The following FREM2 variants were observed in gnomAD, a reference collection of about 807,000 sequenced individuals.
The protein encoded by FREM2 is FRAS1-related extracellular matrix protein 2.
A neutral mutation model predicts 219.9 loss-of-function variants in FREM2; 119 were observed. That is an observed-to-expected ratio of 0.54 (90% confidence interval 0.47 to 0.63). The LOEUF (loss-of-function observed/expected upper bound fraction) is 0.63, where lower values mean the gene tolerates loss of function less well. Ranked by LOEUF, FREM2 falls within the 30% of genes least tolerant of loss-of-function variation. The pLI is 0.00. For synonymous variants in FREM2, 1,562 were observed against 1,522.8 expected (o/e 1.03, Z -0.60); for missense variants, 4,030 against 3,993.6 (o/e 1.01, Z -0.25).
intron 2 of FREM2, among the ~76,000 whole-genome samples, chr13:38,705,413 T>C (rs1870499828): frequency 1.3e-5 from 2 of 152,178 alleles, no homozygotes; most frequent in Non-Finnish European, 2.9e-5. Context: ...AGAAACATAT[T>C]AATTATGAGA....
At chr13:38,861,633 T>C in intron 15 of FREM2, 71 bp downstream of exon 15, 6 of 1,533,626 alleles carry the variant, frequency 3.9e-6, no homozygotes, top group Non-Finnish European at 5.4e-6. Context: ...TTTTCCTTCA[T>C]CTTCTAAATA....
chr13:38,778,910 T>TA (rs1345272890), intron 4 of FREM2, among the ~76,000 whole-genome samples: 1 of 152,196 alleles, frequency 6.6e-6, no homozygotes, highest in African/African-American at 2.4e-5. Flanking sequence ...CACATTTCCA[T>TA]AAGTTAATGA....
In FREM2 at chr13:38,851,092, C is replaced by G. The variant is rs1296766554; in HGVS notation, c.6726C>G (p.Ile2242Met). 1.2e-6 allele frequency: 2 copies of G among 1,613,620 alleles called. No individual in the cohort carries two copies. Among genetic ancestry groups the G allele is most frequent in the Admixed American group, 1.7e-5 (1 of 59,990 alleles). ...AACAAAATGAAACTCTCATAAGGAT[C>G]CGAGATGATGCTGATAGTAAGAAAT... ...VGEQNETLIR[I>M]RDDADKTVIK... The change falls in exon 10 of 24, where the codon ATC becomes ATG. Residue 2242 changes from isoleucine (I) to methionine (M), a missense_variant. By Grantham distance (10) the Ile-to-Met change is conservative (BLOSUM62 1). This residue lies in a region of FREM2 where 3,102 missense variants were observed against 2,950.7 expected (regional missense o/e 1.05). Coordinates refer to ENST00000280481, the MANE Select transcript of FREM2 (RefSeq NM_207361.6).
rs751290656 is a variant in FREM2, at chr13:38,697,782, A to G, written c.5258A>G (p.Asp1753Gly). 6 of 1,588,422 alleles carry G rather than the reference A, an allele frequency of 3.8e-6. No homozygotes were observed. The highest frequency in any genetic ancestry group is 2.2e-5 in the South Asian group (2 of 90,576). ...GATATGTTCTATTTTGCAGTTGAAG[A>G]TGGTGGTAAGTATTCCCCTCTCCTG... ...TSDMFYFAVE[D>G]GGGNKLTYQN... The change falls in exon 2 of 24, where the codon GAT (aspartate) becomes GGT (glycine). Residue 1753 changes from aspartate (D) to glycine (G), a missense_variant. Physicochemically the swap from Asp to Gly is moderately conservative, Grantham distance 94. Coordinates refer to ENST00000280481, the MANE Select transcript of FREM2 (RefSeq NM_207361.6).
chr13:38,850,515 G>C (rs1225326676), intron 9 of FREM2, among the ~76,000 whole-genome samples: 1 of 152,152 alleles, frequency 6.6e-6, no homozygotes, highest in Non-Finnish European at 1.5e-5. Context: ...ACAATGCTAG[G>C]AATTAAACTT....
intron 14 of FREM2, 138 bp downstream of exon 14, chr13:38,859,728 T>C: frequency 1.1e-6 from 1 of 904,606 alleles, no homozygotes; most frequent in Non-Finnish European, 1.7e-6. Flanking sequence ...AAAATCTATT[T>C]TTACAAAATT....
chr13:38,757,601 CTCTTTTTTTTTT>C (rs990980269), intron 2 of FREM2, among the ~76,000 whole-genome samples: 5 of 150,658 alleles, frequency 3.3e-5, no homozygotes, highest in Non-Finnish European at 7.4e-5. Context: ...CTTTTTTTTT[CTCTTTTTTTTTT>C]ACATGATGTC....
rs530885644 is a variant in FREM2 at position 38,740,077 on chromosome 13, T to C, written c.5264-24227T>C. On this transcript the variant is annotated intron_variant, in intron 2 of 23. Transcript: ENST00000280481. ...ACCATTCAAAGCCAAAAATTTCATA[T>C]TTTACAAGAACTTTTCATGTGTTTT... Among the ~76,000 whole-genome samples, 5 of 40,202 alleles carry C rather than the reference T, an allele frequency of 1.2e-4. 1 individual carries two copies. The South Asian group carries it at 4.7e-3, about 38-fold the overall frequency. The allele number at this position is 40,202 out of a possible 152,430, so 26.4% of individuals were successfully genotyped here. A position where few individuals can be genotyped will look rare whatever the true frequency, so the allele number is the denominator to read the frequency against.
At chr13:38,834,239 A>G (rs1876625231) in intron 6 of FREM2, among the ~76,000 whole-genome samples, 1 of 150,936 alleles carries the variant, frequency 6.6e-6, no homozygotes, top group Admixed American at 6.6e-5. Context: ...TCATTGTTCA[A>G]CTCCTACTTA....
In FREM2 at chr13:38,689,583, A is replaced by C; in HGVS notation, c.2239A>C (p.Thr747Pro). Reference sequence around the variant, plus strand: ...ACGTTACACAGTGACTCAGCCCCCCACAGACACAGACGAAAATCACCTGCC... The same window carrying C: ...ACGTTACACAGTGACTCAGCCCCCCCCAGACACAGACGAAAATCACCTGCC... ...ELRYTVTQPP[T>P]DTDENHLPAP... The change falls in exon 1 of 24, where the codon ACA becomes CCA. Residue 747 changes from threonine to proline, a missense_variant. Coordinates refer to ENST00000280481, the MANE Select transcript of FREM2 (RefSeq NM_207361.6). The C allele has an allele frequency of 6.2e-7, 1 of 1,612,830 alleles. No homozygotes were observed. Among genetic ancestry groups the C allele is most frequent in the Non-Finnish European group, 8.5e-7 (1 of 1,179,256 alleles).
At position 38,859,503 on chromosome 13, in the gene FREM2, G is replaced by A. The variant is rs780210808; in HGVS notation, c.7432G>A (p.Val2478Ile). 2 of 1,614,070 alleles carry A rather than the reference G, an allele frequency of 1.2e-6. No homozygotes were observed. Among genetic ancestry groups the A allele is most frequent in the Admixed American group, 3.3e-5 (2 of 60,010 alleles). ...DSIYFQPGSR[V>I]QCAARAVNTN... Reference sequence around the variant, plus strand: ...CATATACTTTCAGCCTGGCTCCCGGGTACAGTGCGCAGCTCGTGCTGTGAA... The same window carrying A: ...CATATACTTTCAGCCTGGCTCCCGGATACAGTGCGCAGCTCGTGCTGTGAA... Residue 2478 changes from valine to isoleucine, a missense_variant, in exon 14 of 24, where the codon GTA becomes ATA. Physicochemically the swap from Val to Ile is conservative, Grantham distance 29. Around this residue, in one of 2 missense-constraint regions of FREM2, gnomAD observed 928 missense variants for 1,042.9 expected, o/e 0.89. Coordinates refer to ENST00000280481, the MANE Select transcript of FREM2 (RefSeq NM_207361.6).
At chr13:38,776,806 G>GGTCT (rs781397564) in intron 4 of FREM2, among the ~76,000 whole-genome samples, 11 of 151,476 alleles carry the variant, frequency 7.3e-5, no homozygotes, top group Non-Finnish European at 1.0e-4. Flanking sequence ...AAAACCCAGA[G>GGTCT]GTCTATTCAC....
chr13:38,779,227 G>C (rs959267387), intron 4 of FREM2, among the ~76,000 whole-genome samples: 1 of 151,948 alleles, frequency 6.6e-6, no homozygotes, highest in South Asian at 2.1e-4. Context: ...GGGCTTGTCG[G>C]GGGGTGGAGG....
At chr13:38,824,987 G>T (rs1260163577) in intron 6 of FREM2, among the ~76,000 whole-genome samples, 1 of 151,882 alleles carries the variant, frequency 6.6e-6, no homozygotes, top group East Asian at 1.9e-4. Flanking sequence ...GGTGGAGGGG[G>T]GCGGCGGGCT....
At chr13:38,779,619 A>G (rs1874036867) in intron 4 of FREM2, 3 of 152,190 alleles carry the variant, frequency 2.0e-5, no homozygotes, top group Admixed American at 2.0e-4. Flanking sequence ...TCTCCATGTC[A>G]CTTGTTTCCA....
chr13:38,788,163 T>A (rs1322075980), intron 6 of FREM2, among the ~76,000 whole-genome samples: 1 of 151,790 alleles, frequency 6.6e-6, no homozygotes, highest in Non-Finnish European at 1.5e-5. Context: ...ATAAACCCAG[T>A]TTACAGCTCT....
intron 14 of FREM2, among the ~76,000 whole-genome samples, chr13:38,860,181 G>A (rs992289455): frequency 6.6e-6 from 1 of 152,132 alleles, no homozygotes; most frequent in East Asian, 1.9e-4. Flanking sequence ...AAACCAGCTG[G>A]TTGTTGGGTG....
chr13:38,756,386 A>C (rs1468127569), intron 2 of FREM2, among the ~76,000 whole-genome samples: 4 of 152,134 alleles, frequency 2.6e-5, no homozygotes, highest in African/African-American at 4.8e-5. Context: ...TATTAACTAT[A>C]TGTTGTTGAT....
chr13:38,875,931 G>A (rs1459663154), intron 18 of FREM2, 91 bp from the exon 19 acceptor site: 10 of 1,184,176 alleles, frequency 8.4e-6, no homozygotes, highest in Non-Finnish European at 1.1e-5. Flanking sequence ...AGCAAATAAT[G>A]TATGATCATT....
Sources: allele counts gnomAD v4.1 joint callset (sites outside exome capture counted in the v4.1 genomes callset), GRCh38; gene constraint gnomAD v4.1.1; regional missense constraint gnomAD v4.1.1; transcripts MANE v1.5; gene names NCBI Gene and HGNC (gene_info 2026-07-23, HGNC 2026-07-21).